Variants in ALX4 observed in about 807,000 individuals in gnomAD.
ALX4 encodes the protein ALX homeobox 4, also known as homeobox protein aristaless-like 4.
ALX4 carries 22 observed loss-of-function variants against 40.6 expected under a neutral mutation model. The ratio of observed to expected loss-of-function variants is 0.54; its 90% CI spans 0.39 to 0.77. ALX4 has a LOEUF of 0.77. Ranked by LOEUF, ALX4 falls within the 30% of genes least tolerant of loss-of-function variation. ALX4 has a pLI of 0.00. For missense variants in ALX4, 556 were observed against 564.8 expected (o/e 0.98, Z 0.16); for synonymous variants, 266 against 240.5 (o/e 1.11, Z -0.98).
At chr11:44,270,769 G>A (rs575519242) in intron 2 of ALX4, among the ~76,000 whole-genome samples, 25 of 152,292 alleles carry the variant, frequency 1.6e-4, no homozygotes, top group Non-Finnish European at 3.2e-4. Context: ...CATACCTCAG[G>A]ACCACCCCAG....
intron 1 of ALX4, 39 bp downstream of exon 1, chr11:44,309,558 C>T (rs1406577979): frequency 1.3e-6 from 2 of 1,546,094 alleles, no homozygotes; most frequent in East Asian, 2.4e-5. Flanking sequence ...CCAAGCACCC[C>T]GTGGTCCCCA....
chr11:44,282,785 G>A (rs770470510), intron 1 of ALX4, among the ~76,000 whole-genome samples: 4 of 152,150 alleles, frequency 2.6e-5, no homozygotes, highest in Non-Finnish European at 4.4e-5. Context: ...AAAACTACGG[G>A]GACTCTAGGC....
chr11:44,277,875 C>A (rs545781435), intron 1 of ALX4, among the ~76,000 whole-genome samples: 431 of 152,362 alleles, frequency 2.8e-3, no homozygotes, highest in African/African-American at 1.0e-2. Context: ...ACGCATGACA[C>A]CTGTGTGAGC....
At position 44,262,722 on chromosome 11, in the gene ALX4, C is replaced by T. The variant is rs749948307; in HGVS notation, c.*2132G>A. 6.6e-6 allele frequency: 1 copy of T among 152,188 alleles called. No individual in the cohort carries two copies. The highest frequency in any genetic ancestry group is 2.4e-5 in the African/African-American group (1 of 41,416). The allele number at this position is 152,188 out of a possible 1,614,324, so 9.4% of individuals were successfully genotyped here. ...CTGATTCTCTCATGGGTGAGAAAGA[C>T]CCAAGGTGAAAGTTCCTTCCTTCCC... On this transcript the variant is annotated 3_prime_UTR_variant, in exon 4 of 4. Coordinates refer to ENST00000652299, the MANE Select transcript of ALX4 (RefSeq NM_021926.4).
intron 1 of ALX4, among the ~76,000 whole-genome samples, chr11:44,279,565 A>G (rs896179676): frequency 3.0e-4 from 45 of 152,254 alleles, no homozygotes; most frequent in African/African-American, 1.1e-3. Flanking sequence ...TGCTGAAAAT[A>G]GAAGTCCCAT....
At chr11:44,265,456 C>A (rs913344913) in intron 3 of ALX4, among the ~76,000 whole-genome samples, 3 of 152,088 alleles carry the variant, frequency 2.0e-5, no homozygotes, top group Admixed American at 6.5e-5. Context: ...AAGGGTGACA[C>A]CCCAGCACCC....
chr11:44,306,384 C>T (rs1294373801), intron 1 of ALX4, among the ~76,000 whole-genome samples: 1 of 152,260 alleles, frequency 6.6e-6, no homozygotes, highest in Non-Finnish European at 1.5e-5. Flanking sequence ...ACTCCCTCGG[C>T]TTGGCCCAGG....
chr11:44,265,799 C>T (rs1479816659), intron 3 of ALX4, among the ~76,000 whole-genome samples: 1 of 152,148 alleles, frequency 6.6e-6, no homozygotes, highest in Non-Finnish European at 1.5e-5. Context: ...AGTGGACAGC[C>T]AGATCTGAGA....
At chr11:44,277,242 A>G (rs574792430) in intron 1 of ALX4, among the ~76,000 whole-genome samples, 42 of 152,338 alleles carry the variant, frequency 2.8e-4, no homozygotes, top group Admixed American at 2.0e-3. Flanking sequence ...CCCTGTGAAC[A>G]TTAGAGGACT....
At chr11:44,284,080 A>T (rs1324570648) in intron 1 of ALX4, among the ~76,000 whole-genome samples, 1 of 152,212 alleles carries the variant, frequency 6.6e-6, no homozygotes, top group Non-Finnish European at 1.5e-5. Flanking sequence ...ACATGCAAAG[A>T]TGTTCAATTT....
intron 1 of ALX4, among the ~76,000 whole-genome samples, chr11:44,285,953 T>C (rs987036318): frequency 2.0e-5 from 3 of 152,290 alleles, no homozygotes; most frequent in African/African-American, 4.8e-5. Flanking sequence ...GACACACCCC[T>C]GGAATTAATG....
Position 44,267,509 on chromosome 11 carries a change from A to T in ALX4, c.891T>A (p.Ala297=), listed in dbSNP as rs1286782549. 2 of 1,614,002 alleles carry T rather than the reference A, an allele frequency of 1.2e-6. No homozygotes were observed. The highest frequency in any genetic ancestry group is 2.7e-5 in the African/African-American group (2 of 74,920). The part of the protein sequence containing the change: ...TAYELPLLTR[A]ENYAQIQNPS... ...CGGGACTTACCTGGGCGTAGTTCTC[A>T]GCTCGGGTGAGGAGGGGCAGCTCAT... Residue 297 remains alanine (A), a synonymous_variant, in exon 3 of 4, where the codon GCT becomes GCA. Coordinates refer to ENST00000652299, the MANE Select transcript of ALX4 (RefSeq NM_021926.4).
chr11:44,268,774 T>C (rs1296826598), intron 2 of ALX4, among the ~76,000 whole-genome samples: 5 of 152,158 alleles, frequency 3.3e-5, no homozygotes, highest in Non-Finnish European at 1.5e-5. Context: ...TTTAGGCTGA[T>C]TCAGAGATGG....
In ALX4 at chr11:44,262,620, G is replaced by A. The variant is rs188326744; in HGVS notation, c.*2234C>T. 1 of 152,488 alleles carries A rather than the reference G, an allele frequency of 6.6e-6. No homozygotes were observed. The highest frequency in any genetic ancestry group is 2.4e-5 in the African/African-American group (1 of 41,526). 9.4% of individuals were successfully genotyped at this position (152,488 alleles called of 1,614,324 possible). On this transcript the variant is annotated 3_prime_UTR_variant, in exon 4 of 4. Transcript: ENST00000652299. Reference sequence around the variant, plus strand: ...CTGCCTGCTCTGGAGCTACCTGTCTGTCCTCCTCTTTGTCCTGATTCCCTT... The same window carrying A: ...CTGCCTGCTCTGGAGCTACCTGTCTATCCTCCTCTTTGTCCTGATTCCCTT...
At chr11:44,275,302 A>T in intron 2 of ALX4, 46 bp downstream of exon 2, 1 of 1,598,482 alleles carries the variant, frequency 6.3e-7, no homozygotes, top group South Asian at 1.1e-5. Context: ...GAGCCCAGGG[A>T]CAGGCTCTGC....
At chr11:44,271,931 G>T (rs1157254068) in intron 2 of ALX4, among the ~76,000 whole-genome samples, 1 of 152,168 alleles carries the variant, frequency 6.6e-6, no homozygotes, top group Non-Finnish European at 1.5e-5. Context: ...CACAGAAAAG[G>T]AACAGGTTTA....
At chr11:44,303,438 C>T (rs974260578) in intron 1 of ALX4, among the ~76,000 whole-genome samples, 1 of 152,096 alleles carries the variant, frequency 6.6e-6, no homozygotes, top group African/African-American at 2.4e-5. Context: ...CCCGTATCTC[C>T]CAGTGACCCC....
chr11:44,300,400 T>C (rs1332268743), intron 1 of ALX4, among the ~76,000 whole-genome samples: 1 of 152,176 alleles, frequency 6.6e-6, no homozygotes, highest in Non-Finnish European at 1.5e-5. Context: ...GCTGGAGTTG[T>C]CCCATCTCCA....
intron 3 of ALX4, among the ~76,000 whole-genome samples, chr11:44,267,222 A>G (rs1198768379): frequency 2.6e-5 from 4 of 152,194 alleles, no homozygotes; most frequent in Non-Finnish European, 5.9e-5. Context: ...GCCCACAGCA[A>G]AAGTGGCCAA....
Sources: gnomAD v4.1 joint callset for allele counts (sites outside exome capture counted in the v4.1 genomes callset) on GRCh38, gnomAD v4.1.1 for gene constraint, MANE v1.5 for transcripts, NCBI Gene and HGNC (gene_info 2026-07-23, HGNC 2026-07-21) for gene names.